Variants in CDC73 observed in about 807,000 individuals in gnomAD.
CDC73 encodes cell division cycle 73.
A neutral mutation model predicts 83.7 loss-of-function variants in CDC73; 21 were observed. The observed-to-expected ratio is 0.25, with a 90% confidence interval of 0.18 to 0.36. The LOEUF (loss-of-function observed/expected upper bound fraction) is 0.36, where lower values mean the gene tolerates loss of function less well. Among genes scored for constraint, CDC73 ranks in the 10% least tolerant of loss-of-function variants. CDC73 has a pLI of 1.00. For synonymous variants in CDC73, 224 were observed against 212.9 expected, an observed-to-expected ratio of 1.05 and a Z score of -0.45; for missense variants, 342 against 653.3, an observed-to-expected ratio of 0.52 and a Z score of 5.19.
intron 11 of CDC73, among the ~76,000 whole-genome samples, chr1:193,206,981 T>C (rs1462268366): frequency 6.6e-6 from 1 of 152,198 alleles, no homozygotes; most frequent in East Asian, 1.9e-4. Flanking sequence ...GATTCATAAA[T>C]ACAGGCAGTT....
intron 15 of CDC73, among the ~76,000 whole-genome samples, chr1:193,239,033 C>G (rs1348911749): frequency 6.6e-6 from 1 of 152,122 alleles, no homozygotes; most frequent in Non-Finnish European, 1.5e-5. Flanking sequence ...TCAAGAAGAT[C>G]TCATAGCTTT....
chr1:193,228,870 T>C (rs1677608706), intron 13 of CDC73, among the ~76,000 whole-genome samples: 1 of 152,188 alleles, frequency 6.6e-6, no homozygotes, highest in African/African-American at 2.4e-5. Flanking sequence ...AGAAAATCTT[T>C]TCATTGCACA....
Position 193,252,141 on chromosome 1 carries a change from T to C in CDC73, c.*1429T>C, listed in dbSNP as rs536823753. On this transcript the variant is annotated 3_prime_UTR_variant, in exon 17 of 17. Coordinates refer to ENST00000367435, the MANE Select transcript of CDC73 (RefSeq NM_024529.5). ...CTAGAAAAGATATTTATTCACATGA[T>C]ATTTACAAGGCTCTTCAGAAGGGAA... 4 of 231,024 alleles carry C rather than the reference T, an allele frequency of 1.7e-5. No individual in the cohort carries two copies. The highest frequency in any genetic ancestry group is 3.4e-5 in the Non-Finnish European group (4 of 116,700). The allele number at this position is 231,024 out of a possible 1,614,324, so 14.3% of individuals were successfully genotyped here. A position where few individuals can be genotyped will look rare whatever the true frequency, so the allele number is the denominator to read the frequency against.
intron 6 of CDC73, among the ~76,000 whole-genome samples, chr1:193,140,852 G>A (rs1042649470): frequency 2.0e-5 from 3 of 152,176 alleles, no homozygotes; most frequent in Admixed American, 6.6e-5. Context: ...AACTGAAACT[G>A]TGGAAAGCCA....
In CDC73 at chr1:193,151,947, A is replaced by G. The variant is rs763492496; in HGVS notation, c.908-433A>G. Among the ~76,000 whole-genome samples, 6 of 152,248 alleles carry G rather than the reference A, an allele frequency of 3.9e-5. No individual in the cohort carries two copies. In the East Asian group the frequency reaches 1.2e-3, roughly 29 times the overall value. On this transcript the variant is annotated intron_variant, in intron 9 of 16. Coordinates refer to ENST00000367435, the MANE Select transcript of CDC73 (RefSeq NM_024529.5). ...GACCCTGTCTCAAAAGAAAAAATAT[A>G]TATGTATGTATGTATATAAAAATAA...
chr1:193,176,840 T>G (rs1280073447), intron 10 of CDC73, among the ~76,000 whole-genome samples: 1 of 152,152 alleles, frequency 6.6e-6, no homozygotes, highest in Non-Finnish European at 1.5e-5. Context: ...CTATTAAAAA[T>G]TAGCAGTTGT....
At chr1:193,122,497 G>A (rs571173967) in intron 1 of CDC73, 166 bp downstream of exon 1, 2 of 811,620 alleles carry the variant, frequency 2.5e-6, no homozygotes, top group Admixed American at 4.9e-5. Context: ...TTTAGGGTAA[G>A]GAAAGAAGGG....
chr1:193,215,366 T>C (rs1052719878), intron 13 of CDC73, among the ~76,000 whole-genome samples: 27 of 152,200 alleles, frequency 1.8e-4, no homozygotes, highest in African/African-American at 5.3e-4. Context: ...AATACTGATA[T>C]ATAAAAGAAA....
intron 15 of CDC73, among the ~76,000 whole-genome samples, chr1:193,243,152 G>T (rs1257754823): frequency 6.6e-6 from 1 of 151,912 alleles, no homozygotes; most frequent in Admixed American, 6.6e-5. Flanking sequence ...CATCATGTTG[G>T]TCTGGTCTCA....
At chr1:193,219,050 A>G (rs1424742154) in intron 13 of CDC73, among the ~76,000 whole-genome samples, 1 of 152,164 alleles carries the variant, frequency 6.6e-6, no homozygotes, top group African/African-American at 2.4e-5. Flanking sequence ...GACCTTAAGC[A>G]TAAAACAAAC....
intron 10 of CDC73, among the ~76,000 whole-genome samples, chr1:193,192,060 A>C (rs1676929091): frequency 6.6e-6 from 1 of 152,218 alleles, no homozygotes; most frequent in Admixed American, 6.5e-5. Flanking sequence ...ATTCTACTAA[A>C]ACTTTGCAAA....
chr1:193,158,529 C>A (rs901206013), intron 10 of CDC73, among the ~76,000 whole-genome samples: 1 of 151,832 alleles, frequency 6.6e-6, no homozygotes, highest in Non-Finnish European at 1.5e-5. Context: ...TAACTTTCAT[C>A]TGAAAATTAT....
chr1:193,193,461 A>G (rs568228102), intron 10 of CDC73, among the ~76,000 whole-genome samples: 14 of 152,208 alleles, frequency 9.2e-5, no homozygotes, highest in East Asian at 1.9e-4. Context: ...TGTGTTCCCA[A>G]TTGAACTTGG....
At chr1:193,122,472 A>G in intron 1 of CDC73, 141 bp downstream of exon 1, 1 of 1,122,832 alleles carries the variant, frequency 8.9e-7, no homozygotes, top group Non-Finnish European at 1.3e-6. Flanking sequence ...TTCTCTCTAG[A>G]GCAGAAGTTG....
At chr1:193,220,783 T>C (rs1044793487) in intron 13 of CDC73, among the ~76,000 whole-genome samples, 3 of 152,192 alleles carry the variant, frequency 2.0e-5, no homozygotes, top group Admixed American at 1.3e-4. Flanking sequence ...ATTGCATATG[T>C]CATCTGATGA....
At position 193,237,368 on chromosome 1, in the gene CDC73, G is replaced by C. The variant is rs534172976; in HGVS notation, c.1417+1012G>C. On this transcript the variant is annotated intron_variant, in intron 15 of 16. Transcript: ENST00000367435. ...TAATATTACTGACTGTAGGAAATTGGTCAGGGTGGTGGGAGAAATAGAAAA... is the reference window on the plus strand; with the variant it reads ...TAATATTACTGACTGTAGGAAATTGCTCAGGGTGGTGGGAGAAATAGAAAA... 1.4e-4 allele frequency among the ~76,000 whole-genome samples: 22 copies of C among 152,208 alleles called. No homozygotes were observed. In the South Asian group the frequency reaches 4.2e-3, roughly 29 times the overall value.
rs751152405 is a variant in CDC73, at chr1:193,250,680, A to G, written c.1564A>G (p.Met522Val). 8 of 1,607,138 alleles carry G rather than the reference A, an allele frequency of 5.0e-6. No homozygotes were observed. The highest frequency in any genetic ancestry group is 6.0e-6 in the Non-Finnish European group (7 of 1,174,434). Reference sequence around the variant, plus strand: ...CTACCATAATATTTTTTTCAGGTACATGGTAAAGCATAAATCGCACTTGAG... The same window carrying G: ...CTACCATAATATTTTTTTCAGGTACGTGGTAAAGCATAAATCGCACTTGAG... ...LRFWETLDRY[M>V]VKHKSHLRF Residue 522 changes from methionine (M) to valine (V), a missense_variant, in exon 17 of 17, where the codon ATG becomes GTG. This residue lies in a region of CDC73 where 239 missense variants were observed against 420.6 expected (regional missense o/e 0.57). Coordinates refer to ENST00000367435, the MANE Select transcript of CDC73 (RefSeq NM_024529.5).
rs1678077968 is a variant in CDC73, at chr1:193,253,554, G to A, written c.*2842G>A. Reference sequence around the variant, plus strand: ...TTTTACTGTTTAATATTTAAACAATGTTTAATGTATTTCATTATTAACTAG... The same window carrying A: ...TTTTACTGTTTAATATTTAAACAATATTTAATGTATTTCATTATTAACTAG... On this transcript the variant is annotated 3_prime_UTR_variant, in exon 17 of 17. Coordinates refer to ENST00000367435, the MANE Select transcript of CDC73 (RefSeq NM_024529.5). 1 of 231,680 alleles carries A rather than the reference G, an allele frequency of 4.3e-6. No homozygotes were observed. Among genetic ancestry groups the A allele is most frequent in the Non-Finnish European group, 8.5e-6 (1 of 117,298 alleles). The allele number at this position is 231,680 out of a possible 1,614,324, so 14.4% of individuals were successfully genotyped here. A position where few individuals can be genotyped will look rare whatever the true frequency, so the allele number is the denominator to read the frequency against.
chr1:193,169,641 T>C (rs1230804835), intron 10 of CDC73, among the ~76,000 whole-genome samples: 2 of 152,260 alleles, frequency 1.3e-5, no homozygotes, highest in South Asian at 2.1e-4. Flanking sequence ...GTTTATCTTA[T>C]GAGATGCAAG....
Sources: gnomAD v4.1 joint callset for allele counts (sites outside exome capture counted in the v4.1 genomes callset) on GRCh38, gnomAD v4.1.1 for gene constraint, gnomAD v4.1.1 regional missense constraint, MANE v1.5 for transcripts, NCBI Gene and HGNC (gene_info 2026-07-23, HGNC 2026-07-21) for gene names.